Variants in C17orf67 observed in about 807,000 individuals in gnomAD.
The protein encoded by C17orf67 is chromosome 17 open reading frame 67, also known as uncharacterized protein C17orf67.
Under a neutral mutation model 11.2 loss-of-function variants are expected in C17orf67, and 12 were observed. The ratio of observed to expected loss-of-function variants is 1.07; its 90% CI spans 0.68 to 1.73. C17orf67 has a LOEUF of 1.73. Ranked by LOEUF, C17orf67 falls within the 40% of genes most tolerant of loss-of-function variation. The pLI, the probability that C17orf67 is intolerant of heterozygous loss-of-function variation, is 0.00. For missense variants in C17orf67, 115 were observed against 113.5 expected (o/e 1.01, Z -0.06); for synonymous variants, 59 against 46.9 (o/e 1.26, Z -1.05).
Position 56,795,120 on chromosome 17 carries a change from A to C in C17orf67, c.217T>G (p.Trp73Gly). Residue 73 changes from tryptophan (W) to glycine (G), a missense_variant, in exon 7 of 8, where the codon TGG (tryptophan) becomes GGG (glycine). Transcript: ENST00000397861. ...HRAEEQFLEH[W>G]LNPHCKPHCD... ...TGGGGTTTGCAGTGAGGGTTCAGCC[A>C]GTGCTCCAGGAACTGCTCCTCAGCG... The C allele has an allele frequency of 6.2e-7, 1 of 1,614,218 alleles. No individual in the cohort carries two copies. The highest frequency in any genetic ancestry group is 8.5e-7 in the Non-Finnish European group (1 of 1,180,042).
At position 56,827,598 on chromosome 17, in the gene C17orf67, C is replaced by T. The variant is rs190425456; in HGVS notation, c.-556-2277G>A. 2.7e-4 allele frequency among the ~76,000 whole-genome samples: 41 copies of T among 152,360 alleles called. No homozygotes were observed. The East Asian group carries it at 7.1e-3, about 26-fold the overall frequency. On this transcript the variant is annotated intron_variant, in intron 2 of 7. Transcript: ENST00000397861. ...AGTTAAAACAGTGATCTCAGTCCCA[C>T]TATTGGCCGTGTGGGACTGCAGTGT...
At chr17:56,809,679 TCA>T (rs1905548125) in intron 6 of C17orf67, among the ~76,000 whole-genome samples, 1 of 111,974 alleles carries the variant, frequency 8.9e-6, no homozygotes, top group African/African-American at 3.6e-5. Context: ...ACACAGACCC[TCA>T]CACACACCTA....
chr17:56,823,832 GATAA>G (rs1286061675), intron 4 of C17orf67, among the ~76,000 whole-genome samples: 15 of 152,112 alleles, frequency 9.9e-5, no homozygotes, highest in Admixed American at 2.0e-4. Context: ...GAGGTGAATG[GATAA>G]ATAAACTGTG....
intron 4 of C17orf67, 39 bp from the exon 5 acceptor site, chr17:56,816,049 G>T (rs1182069378): frequency 4.6e-6 from 3 of 659,184 alleles, no homozygotes; most frequent in Non-Finnish European, 2.3e-6. Flanking sequence ...ATGACTTTCA[G>T]AGCTTGAATC....
At chr17:56,816,191 T>C (rs1905758481) in intron 4 of C17orf67, among the ~76,000 whole-genome samples, 181 bp from the exon 5 acceptor site, 2 of 152,232 alleles carry the variant, frequency 1.3e-5, no homozygotes, top group South Asian at 4.1e-4. Flanking sequence ...ATTACACATT[T>C]GTATCTTTTA....
intron 6 of C17orf67, among the ~76,000 whole-genome samples, chr17:56,805,423 T>G (rs1905422728): frequency 6.6e-6 from 1 of 152,154 alleles, no homozygotes; most frequent in African/African-American, 2.4e-5. Context: ...TTTTTATCCC[T>G]ATTCCTCCCT....
chr17:56,811,538 C>T (rs1022182127), intron 6 of C17orf67, among the ~76,000 whole-genome samples: 1 of 152,134 alleles, frequency 6.6e-6, no homozygotes, highest in East Asian at 1.9e-4. Context: ...GAGCCCAAAT[C>T]AGGCTGGGGC....
intron 6 of C17orf67, among the ~76,000 whole-genome samples, chr17:56,809,715 A>C (rs1331174892): frequency 7.3e-6 from 1 of 137,316 alleles, no homozygotes; most frequent in African/African-American, 2.8e-5. Flanking sequence ...CACACTCCTC[A>C]CACATACACC....
intron 4 of C17orf67, among the ~76,000 whole-genome samples, chr17:56,822,560 CATA>C (rs1384962421): frequency 1.3e-5 from 2 of 152,186 alleles, no homozygotes; most frequent in Non-Finnish European, 2.9e-5. Context: ...GTTCGTGACA[CATA>C]ATAAAAGTCT....
At chr17:56,806,270 G>A (rs146248667) in intron 6 of C17orf67, among the ~76,000 whole-genome samples, 23 of 152,148 alleles carry the variant, frequency 1.5e-4, no homozygotes, top group East Asian at 1.4e-3. Context: ...CACCGCACCC[G>A]GCCTACAGTT....
Position 56,820,651 on chromosome 17 carries a change from T to C in C17orf67, c.-201+4088A>G, listed in dbSNP as rs180745784. ...TGAAACAACGTTGAAGGAAACAATG[T>C]TATTTGAGGACCTGTTGTGTTAACT... On this transcript the variant is annotated intron_variant, in intron 4 of 7. Coordinates refer to ENST00000397861, the MANE Select transcript of C17orf67 (RefSeq NM_001085430.4). 4.8e-3 allele frequency among the ~76,000 whole-genome samples: 729 copies of C among 152,270 alleles called. 4 individuals are homozygous for C. Among genetic ancestry groups the C allele is most frequent in the African/African-American group, 0.017 (686 of 41,546 alleles).
At chr17:56,826,848 T>C (rs181410949) in intron 2 of C17orf67, among the ~76,000 whole-genome samples, 1 of 152,354 alleles carries the variant, frequency 6.6e-6, no homozygotes, top group East Asian at 1.9e-4. Context: ...CCTGGGTTTT[T>C]TCATCTGTAA....
chr17:56,811,638 C>G (rs966166700), intron 6 of C17orf67, among the ~76,000 whole-genome samples: 1 of 152,198 alleles, frequency 6.6e-6, no homozygotes, highest in Non-Finnish European at 1.5e-5. Flanking sequence ...CTGGCTCCAC[C>G]TCCACACAAT....
intron 6 of C17orf67, among the ~76,000 whole-genome samples, chr17:56,801,071 C>A (rs971754119): frequency 3.9e-5 from 6 of 152,192 alleles, no homozygotes; most frequent in East Asian, 3.8e-4. Flanking sequence ...AAAACTTGTT[C>A]TTTTATGTTC....
At chr17:56,809,742 C>T (rs1232588802) in intron 6 of C17orf67, among the ~76,000 whole-genome samples, 5 of 146,396 alleles carry the variant, frequency 3.4e-5, no homozygotes, top group Non-Finnish European at 6.0e-5. Context: ...CCCCTCTACA[C>T]ACATACACCC....
At chr17:56,805,168 G>A (rs1382686624) in intron 6 of C17orf67, among the ~76,000 whole-genome samples, 1 of 152,186 alleles carries the variant, frequency 6.6e-6, no homozygotes, top group Non-Finnish European at 1.5e-5. Flanking sequence ...ATGCTAGCGG[G>A]ACGTTCTGAT....
At chr17:56,826,884 G>A (rs1282330136) in intron 2 of C17orf67, among the ~76,000 whole-genome samples, 2 of 152,196 alleles carry the variant, frequency 1.3e-5, no homozygotes, top group Non-Finnish European at 2.9e-5. Context: ...CCTACATGGT[G>A]CATAGCAAGT....
chr17:56,813,819 T>C (rs1905689520), intron 6 of C17orf67, among the ~76,000 whole-genome samples: 1 of 151,226 alleles, frequency 6.6e-6, no homozygotes, highest in Non-Finnish European at 1.5e-5. Context: ...TTTACATTAT[T>C]ATTTATAATA....
chr17:56,807,891 A>AAAATAAAT (rs777637483), intron 6 of C17orf67, among the ~76,000 whole-genome samples: 2 of 128,530 alleles, frequency 1.6e-5, no homozygotes, highest in East Asian at 2.3e-4. Flanking sequence ...CCCTGTCTCA[A>AAAATAAAT]AAATAAATAA....
Sources: allele counts gnomAD v4.1 joint callset (sites outside exome capture counted in the v4.1 genomes callset), GRCh38; gene constraint gnomAD v4.1.1; transcripts MANE v1.5; gene names NCBI Gene and HGNC (gene_info 2026-07-23, HGNC 2026-07-21).